The following MEIKIN variants were observed in gnomAD, a reference collection of about 807,000 sequenced individuals.
MEIKIN encodes meiotic kinetochore factor.
intron 9 of MEIKIN, among the ~76,000 whole-genome samples, chr5:131,861,169 T>C (rs1750279551): frequency 6.6e-6 from 1 of 151,984 alleles, no homozygotes; most frequent in Non-Finnish European, 1.5e-5. Flanking sequence ...AGTGGGCGGA[T>C]CATGAGGTCA....
intron 9 of MEIKIN, among the ~76,000 whole-genome samples, chr5:131,875,276 G>A (rs946652160): frequency 1.1e-4 from 17 of 152,200 alleles, no homozygotes; most frequent in Non-Finnish European, 1.6e-4. Flanking sequence ...TCCTTAAGCT[G>A]ATAGGCATCT....
chr5:131,902,747 C>T (rs1393067879), intron 8 of MEIKIN, among the ~76,000 whole-genome samples: 1 of 152,178 alleles, frequency 6.6e-6, no homozygotes, highest in Non-Finnish European at 1.5e-5. Flanking sequence ...GCCAGAGTGT[C>T]TTCTTACCTC....
At chr5:131,838,454 C>A (rs544793260) in intron 11 of MEIKIN, among the ~76,000 whole-genome samples, 8 of 151,940 alleles carry the variant, frequency 5.3e-5, no homozygotes, top group African/African-American at 1.9e-4. Flanking sequence ...ATACTTTTGG[C>A]ATAATTTAGT....
chr5:131,932,381 G>A (rs1279039926), intron 5 of MEIKIN, among the ~76,000 whole-genome samples: 1 of 152,222 alleles, frequency 6.6e-6, no homozygotes, highest in Non-Finnish European at 1.5e-5. Context: ...GCAGCTCTCT[G>A]AAGTGAGCTG....
chr5:131,872,854 A>C (rs1462128707), intron 9 of MEIKIN, among the ~76,000 whole-genome samples: 1 of 152,242 alleles, frequency 6.6e-6, no homozygotes, highest in Non-Finnish European at 1.5e-5. Flanking sequence ...CAACATTCTT[A>C]AAGAAAAGAA....
chr5:131,832,176 A>G (rs1749726457), intron 11 of MEIKIN, among the ~76,000 whole-genome samples: 1 of 152,202 alleles, frequency 6.6e-6, no homozygotes, highest in South Asian at 2.1e-4. Context: ...GAAACTAGTT[A>G]CTTCCTAGAT....
At chr5:131,880,903 C>T (rs527309127) in intron 8 of MEIKIN, among the ~76,000 whole-genome samples, 78 of 152,254 alleles carry the variant, frequency 5.1e-4, no homozygotes, top group Middle Eastern at 3.4e-3. Context: ...ATAGCACAAG[C>T]ATGAGCAATA....
chr5:131,875,042 G>C (rs1055427515), intron 9 of MEIKIN, among the ~76,000 whole-genome samples: 5 of 151,992 alleles, frequency 3.3e-5, no homozygotes, highest in Non-Finnish European at 5.9e-5. Context: ...ATATCATACT[G>C]AATGGCCAAA....
At chr5:131,850,662 C>A (rs563377756) in intron 11 of MEIKIN, among the ~76,000 whole-genome samples, 42 of 152,094 alleles carry the variant, frequency 2.8e-4, no homozygotes, top group African/African-American at 9.9e-4. Context: ...TAATACTATA[C>A]ACAAAAATTA....
At chr5:131,822,360 T>A (rs1038106102) in intron 11 of MEIKIN, among the ~76,000 whole-genome samples, 1 of 152,132 alleles carries the variant, frequency 6.6e-6, no homozygotes, top group Non-Finnish European at 1.5e-5. Flanking sequence ...CTGACGGTCT[T>A]CTCTTTCTTC....
At chr5:131,863,710 T>C (rs753334804) in intron 9 of MEIKIN, among the ~76,000 whole-genome samples, 5 of 152,132 alleles carry the variant, frequency 3.3e-5, no homozygotes, top group Non-Finnish European at 7.4e-5. Flanking sequence ...CCAAATCTCA[T>C]CTTGTAGCTT....
intron 11 of MEIKIN, among the ~76,000 whole-genome samples, chr5:131,846,256 C>T (rs565018267): frequency 5.7e-4 from 86 of 152,172 alleles, no homozygotes; most frequent in African/African-American, 2.0e-3. Flanking sequence ...CTAGATTTGC[C>T]CTGCAAGAAA....
At chr5:131,820,173 G>C (rs190024700) in intron 11 of MEIKIN, among the ~76,000 whole-genome samples, 113 of 149,298 alleles carry the variant, frequency 7.6e-4, no homozygotes, top group Middle Eastern at 3.4e-3. Context: ...CCAGGTCCAA[G>C]TGATTCTCCT....
At chr5:131,868,283 C>T (rs538199037) in intron 9 of MEIKIN, among the ~76,000 whole-genome samples, 2 of 152,264 alleles carry the variant, frequency 1.3e-5, no homozygotes, top group African/African-American at 4.8e-5. Context: ...CAGGGTTTTG[C>T]CATGTTGCCC....
chr5:131,824,007 A>G (rs538863714), intron 11 of MEIKIN, among the ~76,000 whole-genome samples: 1 of 152,176 alleles, frequency 6.6e-6, no homozygotes, highest in Non-Finnish European at 1.5e-5. Context: ...ACTTTCTCCT[A>G]AACAAATGGA....
chr5:131,908,268 T>C (rs1751277226), intron 8 of MEIKIN, among the ~76,000 whole-genome samples: 1 of 152,164 alleles, frequency 6.6e-6, no homozygotes, highest in Non-Finnish European at 1.5e-5. Context: ...GACGCAAGGA[T>C]GGTTCAACCT....
At chr5:131,861,380 T>A (rs1459470333) in intron 9 of MEIKIN, among the ~76,000 whole-genome samples, 2 of 151,858 alleles carry the variant, frequency 1.3e-5, no homozygotes, top group African/African-American at 4.8e-5. Context: ...AGAGAGAGAC[T>A]CTGTCTTCAA....
chr5:131,905,636 G>C (rs1210461436), intron 8 of MEIKIN, among the ~76,000 whole-genome samples: 11 of 152,102 alleles, frequency 7.2e-5, no homozygotes, highest in Non-Finnish European at 1.5e-5. Context: ...AAAACTCTCA[G>C]AGACTATTAT....
At chr5:131,866,642 T>TG (rs1280754147) in intron 9 of MEIKIN, among the ~76,000 whole-genome samples, 1 of 151,964 alleles carries the variant, frequency 6.6e-6, no homozygotes, top group Non-Finnish European at 1.5e-5. Context: ...TGCCCCTCTG[T>TG]GGGGGTGAGG....
Sources: gnomAD v4.1 joint callset for allele counts (sites outside exome capture counted in the v4.1 genomes callset) on GRCh38, gnomAD v4.1.1 for gene constraint, MANE v1.5 for transcripts, NCBI Gene and HGNC (gene_info 2026-07-23, HGNC 2026-07-21) for gene names.